Variants in ZBBX observed in about 807,000 individuals in gnomAD.
ZBBX encodes zinc finger B-box domain-containing protein 1.
Under a neutral mutation model 108.5 loss-of-function variants are expected in ZBBX, and 101 were observed. The observed-to-expected ratio is 0.93, with a 90% CI of 0.79 to 1.10. The LOEUF (loss-of-function observed/expected upper bound fraction) is 1.10. Ranked by LOEUF, ZBBX falls within the 50% of genes least tolerant of loss-of-function variation. The pLI is 0.00. For missense variants in ZBBX, 1,009 were observed against 941.4 expected (o/e 1.07, Z -0.94); for synonymous variants, 356 against 323.4 (o/e 1.10, Z -1.08).
chr3:167,350,318 G>A (rs551456008), intron 9 of ZBBX, 102 bp downstream of exon 9: 122 of 833,014 alleles, frequency 1.5e-4, no homozygotes, highest in Non-Finnish European at 1.9e-4. Flanking sequence ...AGAAATTAGC[G>A]TAAATCATCC....
At chr3:167,295,537 G>A (rs1459101285) in intron 18 of ZBBX, among the ~76,000 whole-genome samples, 1 of 150,986 alleles carries the variant, frequency 6.6e-6, no homozygotes, top group Non-Finnish European at 1.5e-5. Context: ...GGGGGGTGGT[G>A]GGATAAGGGA....
chr3:167,257,662 C>T (rs1210412653), intron 20 of ZBBX, among the ~76,000 whole-genome samples: 1 of 152,032 alleles, frequency 6.6e-6, no homozygotes, highest in Non-Finnish European at 1.5e-5. Flanking sequence ...GTCCTTTATT[C>T]TGTTGATATG....
At chr3:167,183,747 T>C in the ZBBX span, among the ~76,000 whole-genome samples, 69 of 152,368 alleles carry the variant, frequency 4.5e-4, 1 homozygote, top group African/African-American at 1.6e-3. Context: ...TTTTCTGCCC[T>C]GGGTGGGCCA....
chr3:167,225,588 C>T, the ZBBX span, among the ~76,000 whole-genome samples: 1 of 151,798 alleles, frequency 6.6e-6, no homozygotes, highest in Non-Finnish European at 1.5e-5. Flanking sequence ...TCATAACTAT[C>T]CCACTAGTCA....
At chr3:167,320,940 C>T (rs1231568530) in intron 12 of ZBBX, among the ~76,000 whole-genome samples, 5 of 151,756 alleles carry the variant, frequency 3.3e-5, no homozygotes, top group African/African-American at 1.2e-4. Context: ...GGAAATATGA[C>T]AAAAAATACA....
chr3:167,249,791 G>C (rs967782235), intron 20 of ZBBX, among the ~76,000 whole-genome samples: 2 of 152,164 alleles, frequency 1.3e-5, no homozygotes, highest in African/African-American at 2.4e-5. Context: ...TTGGGGATAA[G>C]CTTTCTTTCA....
the ZBBX span, among the ~76,000 whole-genome samples, chr3:167,192,562 G>A: frequency 6.3e-4 from 96 of 152,100 alleles, no homozygotes; most frequent in African/African-American, 1.9e-3. Flanking sequence ...CTCTTTAATC[G>A]TATCCCTTTC....
rs185715343 is a variant in ZBBX, at chr3:167,372,872, T to C, written c.30A>G (p.Pro10=). 2,349 of 1,600,964 alleles carry C rather than the reference T, an allele frequency of 1.5e-3. 3 individuals are homozygous for C. The highest frequency in any genetic ancestry group is 1.9e-3 in the Non-Finnish European group (2,220 of 1,172,974). ...TTACAGAATTTCCAGGTTTTCCCCATGGAAGAACTACAAAATCTTTTCTGT... is the reference window on the plus strand; with the variant it reads ...TTACAGAATTTCCAGGTTTTCCCCACGGAAGAACTACAAAATCTTTTCTGT... MNRKDFVVL[P]WGKPGNSVKL... The change falls in exon 4 of 22, where the codon CCA becomes CCG. Residue 10 remains proline, a synonymous_variant. Transcript: ENST00000675490.
At chr3:167,401,406 T>C (rs1748420091) in intron 1 of ZBBX, 1 of 151,680 alleles carries the variant, frequency 6.6e-6, no homozygotes, top group African/African-American at 2.4e-5. Context: ...TCAGGGCGAG[T>C]CCATAGAGTA....
At chr3:167,273,133 A>C (rs1266570501) in intron 20 of ZBBX, among the ~76,000 whole-genome samples, 3 of 152,180 alleles carry the variant, frequency 2.0e-5, no homozygotes, top group Admixed American at 2.0e-4. Context: ...CTTTCTTCTA[A>C]TCAGACTGCC....
At chr3:167,326,866 A>C (rs547872121) in intron 11 of ZBBX, among the ~76,000 whole-genome samples, 1 of 152,192 alleles carries the variant, frequency 6.6e-6, no homozygotes, top group African/African-American at 2.4e-5. Flanking sequence ...ACACTGTGTA[A>C]TAAAAGTGTA....
intron 20 of ZBBX, among the ~76,000 whole-genome samples, chr3:167,270,082 T>C (rs571045627): frequency 6.6e-6 from 1 of 152,190 alleles, no homozygotes; most frequent in Non-Finnish European, 1.5e-5. Context: ...GATGATATCC[T>C]CATATCAGGA....
chr3:167,202,902 C>A, the ZBBX span, among the ~76,000 whole-genome samples: 2 of 152,036 alleles, frequency 1.3e-5, no homozygotes, highest in Non-Finnish European at 2.9e-5. Context: ...GTTCTTCTAG[C>A]AAACAGGTAC....
rs756805919 is a variant in ZBBX, at chr3:167,360,715, A to G, written c.282T>C (p.Ala94=). ...TCAGCAATTTTAATTTCACTTTTCCAGCAGAAAACTGTATTAATAAAATAG... is the reference window on the plus strand; with the variant it reads ...TCAGCAATTTTAATTTCACTTTTCCGGCAGAAAACTGTATTAATAAAATAG... ...QNKGNVVKFS[A]GKVKLKLLKE... Residue 94 remains alanine (A), a synonymous_variant, in exon 7 of 22, where the codon GCT becomes GCC. Transcript: ENST00000675490. 2 of 1,390,038 alleles carry G rather than the reference A, an allele frequency of 1.4e-6. No individual in the cohort carries two copies. The highest frequency in any genetic ancestry group is 1.9e-6 in the Non-Finnish European group (2 of 1,061,278). The allele number at this position is 1,390,038 out of a possible 1,614,324, so 86.1% of individuals were successfully genotyped here. A position where few individuals can be genotyped will look rare whatever the true frequency, so the allele number is the denominator to read the frequency against.
intron 10 of ZBBX, among the ~76,000 whole-genome samples, chr3:167,332,130 G>A (rs1738737372): frequency 6.6e-6 from 1 of 152,132 alleles, no homozygotes; most frequent in African/African-American, 2.4e-5. Flanking sequence ...TTCTTATGAT[G>A]CTTATTACAG....
chr3:167,407,608 C>T (rs1272211106), intron 1 of ZBBX, among the ~76,000 whole-genome samples: 6 of 151,864 alleles, frequency 4.0e-5, no homozygotes, highest in Non-Finnish European at 5.9e-5. Flanking sequence ...TGTATTCTTA[C>T]CCACAAAAAA....
At chr3:167,321,009 G>A (rs925034191) in intron 12 of ZBBX, among the ~76,000 whole-genome samples, 1 of 152,004 alleles carries the variant, frequency 6.6e-6, no homozygotes, top group African/African-American at 2.4e-5. Flanking sequence ...AAATGCTGAT[G>A]ATAAAATTAA....
At chr3:167,384,817 T>G (rs2108634179), upstream of ZBBX, among the ~76,000 whole-genome samples, 1 of 152,188 alleles carries the variant, frequency 6.6e-6, no homozygotes, top group Non-Finnish European at 1.5e-5. Flanking sequence ...TCATCTATTC[T>G]TCTCAGTGTT....
At chr3:167,186,621 C>A in the ZBBX span, among the ~76,000 whole-genome samples, 2 of 152,090 alleles carry the variant, frequency 1.3e-5, no homozygotes, top group African/African-American at 4.8e-5. Context: ...TTCAGAAGGA[C>A]ATTACAAAGA....
Sources: allele counts gnomAD v4.1 joint callset (sites outside exome capture counted in the v4.1 genomes callset), GRCh38; gene constraint gnomAD v4.1.1; transcripts MANE v1.5; gene names NCBI Gene and HGNC (gene_info 2026-07-23, HGNC 2026-07-21).